Variants in OSTC observed in about 807,000 individuals in gnomAD.
The protein encoded by OSTC is oligosaccharyltransferase complex non-catalytic subunit, also known as oligosaccharyltransferase complex subunit OSTC.
A neutral mutation model predicts 16.4 loss-of-function variants in OSTC; 16 were observed. The observed-to-expected ratio is 0.98, with a 90% confidence interval of 0.66 to 1.49. OSTC has a LOEUF of 1.49. OSTC is among the 40% of genes most tolerant of loss of function. OSTC has a pLI of 0.00. For synonymous variants in OSTC, 67 were observed against 68.5 expected (o/e 0.98, Z 0.11); for missense variants, 139 against 186.3 (o/e 0.75, Z 1.48).
chr4:108,661,680 C>T (rs1013353755), intron 3 of OSTC, among the ~76,000 whole-genome samples: 2 of 152,318 alleles, frequency 1.3e-5, no homozygotes, highest in Non-Finnish European at 1.5e-5. Flanking sequence ...TCACTGCTAC[C>T]TCCGCCTCCC....
At chr4:108,660,284 G>A (rs1726822720) in intron 3 of OSTC, among the ~76,000 whole-genome samples, 1 of 152,122 alleles carries the variant, frequency 6.6e-6, no homozygotes, top group Admixed American at 6.5e-5. Flanking sequence ...TGTAAATCTA[G>A]GATTTGAGTT....
At chr4:108,661,555 C>T (rs974810282) in intron 3 of OSTC, among the ~76,000 whole-genome samples, 1 of 152,196 alleles carries the variant, frequency 6.6e-6, no homozygotes, top group Non-Finnish European at 1.5e-5. Flanking sequence ...TTAGCCTCCA[C>T]TCTTAGGGCA....
intron 1 of OSTC, among the ~76,000 whole-genome samples, chr4:108,654,466 G>C (rs1726644522): frequency 6.6e-6 from 1 of 152,182 alleles, no homozygotes; most frequent in Non-Finnish European, 1.5e-5. Flanking sequence ...ATGGACTCCT[G>C]GTAATTGCAA....
intron 1 of OSTC, 70 bp from the exon 2 acceptor site, chr4:108,655,494 A>T: frequency 1.0e-6 from 1 of 997,358 alleles, no homozygotes; most frequent in Non-Finnish European, 1.5e-6. Context: ...CTTAAGAGAC[A>T]ATGAAAACTA....
intron 3 of OSTC, among the ~76,000 whole-genome samples, chr4:108,659,355 C>T (rs200851388): frequency 5.9e-5 from 9 of 151,520 alleles, no homozygotes; most frequent in African/African-American, 9.7e-5. Flanking sequence ...GTACTCCAGC[C>T]TCTTATTGTT....
intron 1 of OSTC, 198 bp downstream of exon 1, chr4:108,650,992 T>C: frequency 1.5e-6 from 1 of 686,742 alleles, no homozygotes; most frequent in Non-Finnish European, 2.3e-6. Context: ...CTTAAGAGAA[T>C]TCGTGTTCTC....
At position 108,657,456 on chromosome 4, in the gene OSTC, T is replaced by C. The variant is rs1161803079; in HGVS notation, c.240T>C (p.Asn80=). The C allele has an allele frequency of 3.1e-6, 5 of 1,609,072 alleles. No homozygotes were observed. Among genetic ancestry groups the C allele is most frequent in the Non-Finnish European group, 4.3e-6 (5 of 1,175,918 alleles). Residue 80 remains asparagine (N), a synonymous_variant, in exon 3 of 4, where the codon AAT becomes AAC. Coordinates refer to ENST00000361564, the MANE Select transcript of OSTC (RefSeq NM_021227.4). ...RPVAFLAYRV[N]GQYIMEGLAS... ...TCATTCTTTTCTTTTCCAGAGTAAA[T>C]GGACAATATATTATGGAAGGACTTG...
intron 1 of OSTC, among the ~76,000 whole-genome samples, 167 bp from the exon 2 acceptor site, chr4:108,655,397 C>T (rs946044073): frequency 4.0e-5 from 6 of 151,796 alleles, no homozygotes; most frequent in African/African-American, 9.7e-5. Context: ...ACTTGGGTGG[C>T]GGAGTTTGGC....
rs1727038241 is a variant in OSTC, at chr4:108,667,464, G to T, written c.*199G>T. ...GTATTAAAGAGACAAGTTTATCACA[G>T]AATTTTTTTTCCTGCTGGCCTATTG... On this transcript the variant is annotated 3_prime_UTR_variant, in exon 4 of 4. Transcript: ENST00000361564. The T allele has an allele frequency of 1.1e-5, 5 of 440,594 alleles. No individual in the cohort carries two copies. The highest frequency in any genetic ancestry group is 8.5e-5 in the Admixed American group (2 of 23,532). 27.3% of individuals were successfully genotyped at this position (440,594 alleles called of 1,614,324 possible). A position where few individuals can be genotyped will look rare whatever the true frequency, so the allele number is the denominator to read the frequency against.
intron 3 of OSTC, among the ~76,000 whole-genome samples, chr4:108,658,859 A>G (rs970075832): frequency 6.6e-6 from 1 of 151,970 alleles, no homozygotes; most frequent in African/African-American, 2.4e-5. Flanking sequence ...TGATCCCACA[A>G]TCATCATGTT....
chr4:108,659,343 A>G (rs559805842), intron 3 of OSTC, among the ~76,000 whole-genome samples: 2 of 80,394 alleles, frequency 2.5e-5, no homozygotes, highest in Admixed American at 1.6e-4. Context: ...GTGAAGACTA[A>G]GGTACTCCAG....
intron 1 of OSTC, among the ~76,000 whole-genome samples, chr4:108,652,554 A>C (rs1363191779): frequency 1.3e-5 from 2 of 152,128 alleles, no homozygotes; most frequent in African/African-American, 4.8e-5. Flanking sequence ...CTAAAAACTG[A>C]GTGCACCTTT....
chr4:108,652,082 C>T (rs1265205639), intron 1 of OSTC: 1 of 152,048 alleles, frequency 6.6e-6, no homozygotes, highest in Non-Finnish European at 1.5e-5. Context: ...ATTTAAAATG[C>T]ATGTGGCTTT....
At chr4:108,660,735 T>C (rs1438017690) in intron 3 of OSTC, among the ~76,000 whole-genome samples, 1 of 152,242 alleles carries the variant, frequency 6.6e-6, no homozygotes, top group African/African-American at 2.4e-5. Context: ...AATTCTTTTT[T>C]ACAAAGATGT....
intron 3 of OSTC, among the ~76,000 whole-genome samples, chr4:108,660,757 A>C (rs1726835821): frequency 6.6e-6 from 1 of 152,220 alleles, no homozygotes. Flanking sequence ...ACCTTTAGCA[A>C]GAGATGCCTT....
rs1184989042 is a variant in OSTC at position 108,667,486 on chromosome 4, A to G, written c.*221A>G. 2.4e-6 allele frequency: 1 copy of G among 408,908 alleles called. No individual in the cohort carries two copies. The highest frequency in any genetic ancestry group is 4.4e-6 in the Non-Finnish European group (1 of 228,282). 25.3% of individuals were successfully genotyped at this position (408,908 alleles called of 1,614,324 possible). A position where few individuals can be genotyped will look rare whatever the true frequency, so the allele number is the denominator to read the frequency against. On this transcript the variant is annotated 3_prime_UTR_variant, in exon 4 of 4. Transcript: ENST00000361564. ...ACAGAATTTTTTTTCCTGCTGGCCTATTGCTATACCAATGATGTTGAGTGG... is the reference window on the plus strand; with the variant it reads ...ACAGAATTTTTTTTCCTGCTGGCCTGTTGCTATACCAATGATGTTGAGTGG...
At position 108,667,274 on chromosome 4, in the gene OSTC, T is replaced by G. The variant is rs376035364; in HGVS notation, c.*9T>G. ...GCTATCTGATGGGTTAGAGTGCCTTTGAGAAGAAATCAGTGGATACTGGAT... is the reference window on the plus strand; with the variant it reads ...GCTATCTGATGGGTTAGAGTGCCTTGGAGAAGAAATCAGTGGATACTGGAT... On this transcript the variant is annotated 3_prime_UTR_variant, in exon 4 of 4. Transcript: ENST00000361564. 4 of 1,608,630 alleles carry G rather than the reference T, an allele frequency of 2.5e-6. No homozygotes were observed. The highest frequency in any genetic ancestry group is 2.7e-5 in the African/African-American group (2 of 74,794).
intron 1 of OSTC, 47 bp downstream of exon 1, chr4:108,650,841 C>T (rs1276100264): frequency 6.2e-7 from 1 of 1,612,534 alleles, no homozygotes; most frequent in East Asian, 2.2e-5. Context: ...GGAGAACTGA[C>T]CCGCCCCGGG....
chr4:108,654,689 G>A (rs920079219), intron 1 of OSTC, among the ~76,000 whole-genome samples: 2 of 152,196 alleles, frequency 1.3e-5, no homozygotes, highest in African/African-American at 4.8e-5. Context: ...CAGTGGAGAA[G>A]GTAGAGTAGA....
Sources: allele counts gnomAD v4.1 joint callset (sites outside exome capture counted in the v4.1 genomes callset), GRCh38; gene constraint gnomAD v4.1.1; transcripts MANE v1.5; gene names NCBI Gene and HGNC (gene_info 2026-07-23, HGNC 2026-07-21).